Variants in OVCH1 observed in about 807,000 individuals in gnomAD.
OVCH1 encodes the protein ovochymase 1.
Under a neutral mutation model 138.4 loss-of-function variants are expected in OVCH1, and 139 were observed. That is an observed-to-expected ratio of 1.00 (90% CI 0.87 to 1.16). The LOEUF (loss-of-function observed/expected upper bound fraction) is 1.16. Among genes scored for constraint, OVCH1 ranks in the 50% most tolerant of loss-of-function variants. The probability of loss-of-function intolerance (pLI) is 0.00; values close to 1 mark genes in which losing one functional copy is unlikely to be tolerated. For missense variants in OVCH1, 1,367 were observed against 1,357.9 expected, an observed-to-expected ratio of 1.01 and a Z score of -0.11; for synonymous variants, 453 against 467.8, an observed-to-expected ratio of 0.97 and a Z score of 0.41.
At position 29,433,206 on chromosome 12, in the gene OVCH1, A is replaced by C. The variant is rs757545737; in HGVS notation, c.3327+545T>G. On this transcript the variant is annotated intron_variant, in intron 27 of 27. Transcript: ENST00000318184. ...GTGTCCACACCCAAATCTCACCTTGAATTGTAGCTTCCATAATCCTCATGT... is the reference window on the plus strand; with the variant it reads ...GTGTCCACACCCAAATCTCACCTTGCATTGTAGCTTCCATAATCCTCATGT... 1.6e-4 allele frequency among the ~76,000 whole-genome samples: 24 copies of C among 152,158 alleles called. No homozygotes were observed. The Middle Eastern group carries it at 0.014, about 87-fold the overall frequency.
At chr12:29,496,473 A>T in intron 2 of OVCH1, 83 bp downstream of exon 2, 1 of 1,311,184 alleles carries the variant, frequency 7.6e-7, no homozygotes, top group Non-Finnish European at 1.1e-6. Context: ...AAAACTACAT[A>T]TCAACGTGCA....
intron 4 of OVCH1, among the ~76,000 whole-genome samples, chr12:29,492,073 A>G (rs1351280522): frequency 6.6e-6 from 1 of 152,188 alleles, no homozygotes; most frequent in Admixed American, 6.5e-5. Flanking sequence ...GCTATGGAAA[A>G]ATAATAGGAT....
Position 29,477,158 on chromosome 12 carries a change from G to A in OVCH1, c.1321C>T (p.Pro441Ser), listed in dbSNP as rs759077405. The A allele has an allele frequency of 9.3e-6, 15 of 1,613,344 alleles. No individual in the cohort carries two copies. In the African/African-American group the frequency reaches 1.3e-4, roughly 14 times the overall value. ...AACCAATGACACCTTGTGTTACTGG[G>A]ATACAAATCAGGATACTTGGCAGAG... The change falls in exon 12 of 28, where the codon CCC (proline) becomes TCC (serine). Residue 441 changes from proline (P) to serine (S), a missense_variant. Transcript: ENST00000318184.
intron 19 of OVCH1, among the ~76,000 whole-genome samples, chr12:29,457,465 GT>G (rs1941990317): frequency 8.0e-6 from 1 of 125,668 alleles, no homozygotes; most frequent in Non-Finnish European, 1.6e-5. Context: ...GTGCAGTGGT[GT>G]GATCTCGGCT....
rs1293718969 is a variant in OVCH1 at position 29,455,966 on chromosome 12, A to C, written c.2281-561T>G. On this transcript the variant is annotated intron_variant, in intron 19 of 27. Transcript: ENST00000318184. ...GAGTAGAGTTATGACATACACAGAG[A>C]AATTAGGGTGTTGGTGGTGAGGTGA... 5.3e-5 allele frequency among the ~76,000 whole-genome samples: 8 copies of C among 152,300 alleles called. No individual in the cohort carries two copies. In the East Asian group the frequency reaches 1.4e-3, roughly 26 times the overall value.
intron 19 of OVCH1, among the ~76,000 whole-genome samples, chr12:29,460,590 A>G (rs528926938): frequency 1.4e-4 from 21 of 152,234 alleles, no homozygotes; most frequent in African/African-American, 5.1e-4. Context: ...CCCTCAAACT[A>G]TGGCTCAAGG....
chr12:29,424,519 G>T (rs1323979356), downstream of OVCH1, among the ~76,000 whole-genome samples: 1 of 152,214 alleles, frequency 6.6e-6, no homozygotes, highest in Non-Finnish European at 1.5e-5. Context: ...TAAGGCGGTA[G>T]GTAGGAGACA....
intron 3 of OVCH1, among the ~76,000 whole-genome samples, chr12:29,417,360 G>A (rs1205004737): frequency 6.6e-6 from 1 of 150,830 alleles, no homozygotes; most frequent in East Asian, 2.0e-4. Context: ...CTACTCGGGA[G>A]GCTGAGACAG....
At chr12:29,464,449 G>T in intron 18 of OVCH1, 58 bp downstream of exon 18, 3 of 1,533,390 alleles carry the variant, frequency 2.0e-6, no homozygotes, top group South Asian at 2.3e-5. Context: ...TCATTTACAT[G>T]ACCTATTTTC....
At chr12:29,416,402 C>T (rs897294560) in intron 3 of OVCH1, among the ~76,000 whole-genome samples, 3 of 151,956 alleles carry the variant, frequency 2.0e-5, no homozygotes, top group Non-Finnish European at 4.4e-5. Flanking sequence ...CATCTGCAAA[C>T]CATGTATTTG....
intron 9 of OVCH1, 25 bp downstream of exon 10, chr12:29,478,810 A>AT: frequency 1.3e-6 from 2 of 1,496,022 alleles, no homozygotes; most frequent in Non-Finnish European, 1.8e-6. Flanking sequence ...AAAATGACAA[A>AT]TAAAAACAAA....
chr12:29,442,664 G>A (rs1021687708), intron 25 of OVCH1, among the ~76,000 whole-genome samples: 8 of 151,514 alleles, frequency 5.3e-5, no homozygotes, highest in Admixed American at 2.0e-4. Context: ...ATTTTATGAT[G>A]GGGAAACTTC....
exon 9 of OVCH1, chr12:29,478,900 A>G (rs762000283): frequency 3.8e-6 from 6 of 1,584,284 alleles, no homozygotes; most frequent in Admixed American, 1.8e-5. Flanking sequence ...TTGCTTTTCC[A>G]TGTCTAAACT....
chr12:29,426,292 T>C (rs952012728), downstream of OVCH1, among the ~76,000 whole-genome samples: 6 of 152,200 alleles, frequency 3.9e-5, no homozygotes, highest in African/African-American at 1.4e-4. Flanking sequence ...AAATTTTGCT[T>C]TAAAAGGAAG....
intron 19 of OVCH1, among the ~76,000 whole-genome samples, chr12:29,460,588 C>T (rs989886010): frequency 3.3e-5 from 5 of 152,148 alleles, no homozygotes; most frequent in Non-Finnish European, 7.3e-5. Context: ...AGCCCTCAAA[C>T]TATGGCTCAA....
At chr12:29,496,232 A>C in exon 3 of OVCH1, 1 of 1,609,718 alleles carries the variant, frequency 6.2e-7, no homozygotes, top group Non-Finnish European at 8.5e-7. Context: ...ATCTTCTTGA[A>C]TCAAGCTTCC....
intron 19 of OVCH1, among the ~76,000 whole-genome samples, chr12:29,457,712 T>C (rs1056528373): frequency 6.6e-6 from 1 of 152,108 alleles, no homozygotes; most frequent in Non-Finnish European, 1.5e-5. Context: ...CACAAATGAA[T>C]ATTTTTTATT....
intron 8 of OVCH1, among the ~76,000 whole-genome samples, chr12:29,481,578 G>C (rs548396362): frequency 9.2e-5 from 14 of 152,028 alleles, no homozygotes; most frequent in Admixed American, 6.6e-5. Flanking sequence ...CTTCTTTGTT[G>C]CTTTCCCAGA....
chr12:29,471,315 G>T (rs75678630), intron 16 of OVCH1, among the ~76,000 whole-genome samples: 3 of 152,028 alleles, frequency 2.0e-5, no homozygotes, highest in African/African-American at 4.8e-5. Flanking sequence ...TAATCAAGGC[G>T]GTAGGTTATT....
Sources: allele counts gnomAD v4.1 joint callset (sites outside exome capture counted in the v4.1 genomes callset), GRCh38; gene constraint gnomAD v4.1.1; transcripts MANE v1.5; gene names NCBI Gene and HGNC (gene_info 2026-07-23, HGNC 2026-07-21).